DSCAML1: variants seen among roughly 807,000 people sequenced by gnomAD.
The protein encoded by DSCAML1 is DS cell adhesion molecule like 1.
In DSCAML1, 38 loss-of-function variants were observed where a neutral mutation model predicts 200.5. That is an observed-to-expected ratio of 0.19 (90% CI 0.15 to 0.25). The LOEUF (loss-of-function observed/expected upper bound fraction) is 0.25. Among genes scored for constraint, DSCAML1 ranks in the 10% least tolerant of loss-of-function variants. The pLI is 1.00. For synonymous variants in DSCAML1, 1,215 were observed against 1,165.0 expected, an observed-to-expected ratio of 1.04 and a Z score of -0.87; for missense variants, 2,223 against 2,858.8, an observed-to-expected ratio of 0.78 and a Z score of 5.07.
chr11:117,515,591 G>C (rs539226543), intron 8 of DSCAML1, among the ~76,000 whole-genome samples: 1 of 146,110 alleles, frequency 6.8e-6, no homozygotes, highest in East Asian at 2.0e-4. Context: ...TGGATGTCAA[G>C]GGCCCAGGAG....
intron 3 of DSCAML1, among the ~76,000 whole-genome samples, chr11:117,729,278 T>C (rs1361062919): frequency 1.3e-5 from 2 of 152,168 alleles, no homozygotes; most frequent in East Asian, 1.9e-4. Context: ...ACTCAATATG[T>C]ATCAAAGACT....
chr11:117,524,115 T>G (rs2049931106), intron 5 of DSCAML1, among the ~76,000 whole-genome samples: 1 of 152,256 alleles, frequency 6.6e-6, no homozygotes, highest in Non-Finnish European at 1.5e-5. Context: ...TTCGCCCATC[T>G]GCTTCTACCC....
intron 3 of DSCAML1, among the ~76,000 whole-genome samples, chr11:117,595,928 A>G (rs752483203): frequency 6.6e-6 from 1 of 152,244 alleles, no homozygotes; most frequent in Non-Finnish European, 1.5e-5. Context: ...TCATGTCTTA[A>G]GCTCCAAGAC....
chr11:117,784,009 G>C (rs944222152), intron 1 of DSCAML1, among the ~76,000 whole-genome samples: 7 of 152,186 alleles, frequency 4.6e-5, no homozygotes. Context: ...CTGGAGCCAA[G>C]GACACAAGGT....
chr11:117,683,585 G>A (rs1004566249), intron 3 of DSCAML1, among the ~76,000 whole-genome samples: 5 of 152,330 alleles, frequency 3.3e-5, no homozygotes, highest in African/African-American at 1.2e-4. Context: ...ACAGCTGGTG[G>A]ATAAAAGAGG....
At chr11:117,566,357 T>TC (rs1555185534) in intron 3 of DSCAML1, among the ~76,000 whole-genome samples, 142 of 43,942 alleles carry the variant, frequency 3.2e-3, no homozygotes, top group African/African-American at 7.4e-3. Flanking sequence ...TCTCTCTCTC[T>TC]TTTTTTTTTT....
chr11:117,549,049 C>T (rs866503026), intron 3 of DSCAML1, among the ~76,000 whole-genome samples: 30 of 152,200 alleles, frequency 2.0e-4, no homozygotes, highest in African/African-American at 6.8e-4. Flanking sequence ...GTGTCTGCCC[C>T]TGTGTCCCTG....
intron 11 of DSCAML1, among the ~76,000 whole-genome samples, chr11:117,495,471 C>T (rs2137256738): frequency 6.6e-6 from 1 of 152,254 alleles, no homozygotes; most frequent in East Asian, 1.9e-4. Flanking sequence ...GAGGCTCAGG[C>T]TTCTAGGCGA....
At chr11:117,786,312 T>C (rs987625769) in intron 1 of DSCAML1, among the ~76,000 whole-genome samples, 1 of 152,164 alleles carries the variant, frequency 6.6e-6, no homozygotes, top group African/African-American at 2.4e-5. Context: ...TTCTCTGCCG[T>C]TTAACATTGA....
In DSCAML1 at chr11:117,718,671, C is replaced by CAA. The variant is rs1232979558; in HGVS notation, c.511+58119_511+58120insTT. Among the ~76,000 whole-genome samples, 26 of 53,330 alleles carry CAA rather than the reference C, an allele frequency of 4.9e-4. 4 individuals are homozygous for CAA. The highest frequency in any genetic ancestry group is 9.7e-4 in the African/African-American group (14 of 14,456). 35.0% of individuals were successfully genotyped at this position (53,330 alleles called of 152,430 possible). A position where few individuals can be genotyped will look rare whatever the true frequency, so the allele number is the denominator to read the frequency against. ...ACACACAAGATGAATACTCAAAACC[C>CAA]CCCCCCCCCCCCATCATATGAGACC... On this transcript the variant is annotated intron_variant, in intron 3 of 32. Transcript: ENST00000651296.
intron 3 of DSCAML1, among the ~76,000 whole-genome samples, chr11:117,741,531 G>A (rs187555233): frequency 6.6e-6 from 1 of 152,356 alleles, no homozygotes; most frequent in Admixed American, 6.5e-5. Flanking sequence ...ACAACAGCTT[G>A]CATCACCAAA....
intron 3 of DSCAML1, among the ~76,000 whole-genome samples, chr11:117,694,454 C>T (rs1470006691): frequency 1.3e-5 from 2 of 151,974 alleles, no homozygotes; most frequent in East Asian, 3.9e-4. Context: ...CTCTTGAAAC[C>T]TGTTCTGTTC....
intron 3 of DSCAML1, among the ~76,000 whole-genome samples, chr11:117,578,487 A>T (rs980224626): frequency 4.6e-5 from 7 of 151,818 alleles, no homozygotes; most frequent in Non-Finnish European, 1.0e-4. Flanking sequence ...TCTCGCCAAC[A>T]GAGCAAGACC....
intron 3 of DSCAML1, among the ~76,000 whole-genome samples, chr11:117,673,851 C>A (rs1452990353): frequency 6.6e-6 from 1 of 152,212 alleles, no homozygotes; most frequent in Non-Finnish European, 1.5e-5. Context: ...GATTCATTCC[C>A]CAACCTTTTA....
intron 3 of DSCAML1, among the ~76,000 whole-genome samples, chr11:117,550,782 A>G (rs2050455102): frequency 6.6e-6 from 1 of 152,134 alleles, no homozygotes; most frequent in African/African-American, 2.4e-5. Context: ...TCTCTGCACA[A>G]TCGATCACAA....
chr11:117,625,583 TC>T (rs1304922797), intron 3 of DSCAML1, among the ~76,000 whole-genome samples: 2 of 152,178 alleles, frequency 1.3e-5, no homozygotes, highest in African/African-American at 2.4e-5. Flanking sequence ...AGCCCTAGCG[TC>T]CAGGGCAGAG....
chr11:117,462,494 C>T (rs1338600274), intron 17 of DSCAML1, among the ~76,000 whole-genome samples: 2 of 152,210 alleles, frequency 1.3e-5, no homozygotes, highest in Non-Finnish European at 1.5e-5. Context: ...TGCTTCGCTC[C>T]GAGTGGAAGA....
chr11:117,530,319 C>A (rs143143248), intron 4 of DSCAML1, among the ~76,000 whole-genome samples: 1 of 152,054 alleles, frequency 6.6e-6, no homozygotes. Flanking sequence ...CAAATATTCA[C>A]GGAGGAGAAG....
At chr11:117,803,278 C>A (rs1176555206) in intron 1 of DSCAML1, among the ~76,000 whole-genome samples, 1 of 151,980 alleles carries the variant, frequency 6.6e-6, no homozygotes, top group South Asian at 2.1e-4. Flanking sequence ...GTGTGTGTAG[C>A]ATAGGAAAGA....
Sources: gnomAD v4.1 joint callset for allele counts (sites outside exome capture counted in the v4.1 genomes callset) on GRCh38, gnomAD v4.1.1 for gene constraint, MANE v1.5 for transcripts, NCBI Gene and HGNC (gene_info 2026-07-23, HGNC 2026-07-21) for gene names.